Variants in ADGRB3 observed in about 807,000 individuals in gnomAD.
ADGRB3 encodes adhesion G protein-coupled receptor B3, also known as brain-specific angiogenesis inhibitor 3.
In ADGRB3, 37 loss-of-function variants were observed where a neutral mutation model predicts 193.4. The observed-to-expected ratio is 0.19, with a 90% confidence interval of 0.15 to 0.25. The LOEUF is 0.25. Among genes scored for constraint, ADGRB3 ranks in the 10% least tolerant of loss-of-function variants. ADGRB3 has a pLI of 1.00. For missense variants in ADGRB3, 1,637 were observed against 1,852.9 expected (o/e 0.88, Z 2.14); for synonymous variants, 690 against 644.2 (o/e 1.07, Z -1.08).
In ADGRB3 at chr6:68,826,954, G is replaced by T. The variant is rs75549549; in HGVS notation, c.758-103605G>T. Among the ~76,000 whole-genome samples, 5 of 152,270 alleles carry T rather than the reference G, an allele frequency of 3.3e-5. No homozygotes were observed. In the East Asian group the frequency reaches 9.7e-4, roughly 29 times the overall value. On this transcript the variant is annotated intron_variant, in intron 3 of 31. Transcript: ENST00000370598. ...TTGGAGATGCCTATTAAACATCCTAGTGTAGGTTTCAAACAGAAAGGTAGT... is the reference window on the plus strand; with the variant it reads ...TTGGAGATGCCTATTAAACATCCTATTGTAGGTTTCAAACAGAAAGGTAGT...
chr6:68,983,936 G>A (rs1190855631), intron 10 of ADGRB3, among the ~76,000 whole-genome samples: 2 of 152,062 alleles, frequency 1.3e-5, no homozygotes, highest in Non-Finnish European at 2.9e-5. Context: ...ACATGTAAAC[G>A]GTAGAGAGAA....
At chr6:68,784,248 T>C (rs1173051628) in intron 3 of ADGRB3, among the ~76,000 whole-genome samples, 1 of 152,118 alleles carries the variant, frequency 6.6e-6, no homozygotes, top group Non-Finnish European at 1.5e-5. Context: ...GTAAGTCTAC[T>C]AAATGGCAGA....
chr6:68,914,122 G>A (rs1217698034), intron 3 of ADGRB3, among the ~76,000 whole-genome samples: 1 of 151,760 alleles, frequency 6.6e-6, no homozygotes, highest in Non-Finnish European at 1.5e-5. Flanking sequence ...ACACTCTGCA[G>A]GATATTATCC....
intron 17 of ADGRB3, among the ~76,000 whole-genome samples, chr6:69,119,802 G>C (rs1459860462): frequency 2.0e-5 from 3 of 152,192 alleles, no homozygotes; most frequent in Non-Finnish European, 4.4e-5. Context: ...CAAAAACTTG[G>C]AAATGGGCTC....
chr6:68,775,146 A>AAAAAAAAC (rs1491469760), intron 3 of ADGRB3, among the ~76,000 whole-genome samples: 1 of 8,578 alleles, frequency 1.2e-4, no homozygotes, highest in East Asian at 5.2e-3. Context: ...GCTGCTTGTT[A>AAAAAAAAC]AAAAAAAAAA....
At chr6:69,263,391 G>C (rs141352944) in intron 20 of ADGRB3, among the ~76,000 whole-genome samples, 3 of 151,820 alleles carry the variant, frequency 2.0e-5, no homozygotes, top group Non-Finnish European at 2.9e-5. Flanking sequence ...AGATATTTTC[G>C]CATGATGGCA....
chr6:68,716,967 A>G (rs953037294), intron 3 of ADGRB3, among the ~76,000 whole-genome samples: 4 of 151,606 alleles, frequency 2.6e-5, no homozygotes, highest in African/African-American at 4.8e-5. Context: ...TTTATTTTCC[A>G]TGAAGAGACA....
At chr6:69,376,773 T>C (rs1469531745) in intron 30 of ADGRB3, among the ~76,000 whole-genome samples, 1 of 152,064 alleles carries the variant, frequency 6.6e-6, no homozygotes, top group Non-Finnish European at 1.5e-5. Flanking sequence ...GTGCACTCCA[T>C]TAGGCAATCT....
intron 26 of ADGRB3, among the ~76,000 whole-genome samples, chr6:69,347,351 T>A (rs1455152740): frequency 3.3e-5 from 5 of 151,988 alleles, no homozygotes; most frequent in Admixed American, 3.3e-4. Context: ...AAACTTAAAT[T>A]ATAATAATAA....
In ADGRB3 at chr6:68,966,011, GC is replaced by G. The variant is rs1313126988; in HGVS notation, c.1526-8750del. ...TAACTTTTTTATAATACCTGTATGT[GC>G]CTAGATATGTCAAACTCAAAACTAT... On this transcript the variant is annotated intron_variant, in intron 8 of 31. Transcript: ENST00000370598. 2.0e-5 allele frequency among the ~76,000 whole-genome samples: 3 copies of G among 152,134 alleles called. No individual in the cohort carries two copies. In the East Asian group the frequency reaches 5.8e-4, roughly 29 times the overall value.
chr6:68,892,086 C>T (rs77791242), intron 3 of ADGRB3, among the ~76,000 whole-genome samples: 3,029 of 152,252 alleles, frequency 0.02, 50 homozygotes, highest in East Asian at 0.05. Flanking sequence ...TTTAAATACC[C>T]TCCTGCAGCT....
intron 17 of ADGRB3, among the ~76,000 whole-genome samples, chr6:69,189,917 G>A (rs972723168): frequency 1.3e-5 from 2 of 152,010 alleles, no homozygotes. Flanking sequence ...TTATAATAGA[G>A]CTAAAAAATC....
chr6:69,338,183 A>G (rs1202257978), intron 24 of ADGRB3, among the ~76,000 whole-genome samples: 1 of 152,184 alleles, frequency 6.6e-6, no homozygotes, highest in Non-Finnish European at 1.5e-5. Context: ...TCCTCTAGAC[A>G]AGAATAGACC....
At chr6:69,150,873 G>T (rs1352832846) in intron 17 of ADGRB3, among the ~76,000 whole-genome samples, 1 of 152,272 alleles carries the variant, frequency 6.6e-6, no homozygotes, top group Middle Eastern at 3.4e-3. Context: ...TTACCTTCTG[G>T]CACAGGGTAT....
intron 17 of ADGRB3, among the ~76,000 whole-genome samples, chr6:69,107,232 T>A (rs772071855): frequency 1.8e-4 from 27 of 152,262 alleles, no homozygotes; most frequent in Non-Finnish European, 3.2e-4. Flanking sequence ...TAGAAAAAAA[T>A]TATATTTCTA....
intron 3 of ADGRB3, among the ~76,000 whole-genome samples, chr6:68,842,914 C>T (rs1388848278): frequency 6.6e-6 from 1 of 151,842 alleles, no homozygotes; most frequent in African/African-American, 2.4e-5. Context: ...GAATGAAGGA[C>T]AAAGCCTATA....
At chr6:69,324,819 A>G (rs1768533867) in intron 20 of ADGRB3, 53 bp from the exon 21 acceptor site, 1 of 1,583,938 alleles carries the variant, frequency 6.3e-7, no homozygotes, top group Non-Finnish European at 8.6e-7. Context: ...AGAACATATC[A>G]TTTTCCCTCT....
At chr6:69,363,224 A>T (rs1769490264) in intron 29 of ADGRB3, among the ~76,000 whole-genome samples, 1 of 152,002 alleles carries the variant, frequency 6.6e-6, no homozygotes, top group Non-Finnish European at 1.5e-5. Flanking sequence ...AAAGACCTGC[A>T]TTTAAATGAC....
chr6:68,656,304 G>A (rs1261898759), intron 3 of ADGRB3, among the ~76,000 whole-genome samples: 1 of 151,492 alleles, frequency 6.6e-6, no homozygotes, highest in East Asian at 1.9e-4. Flanking sequence ...GAGAGAATTT[G>A]GATTAGAAAA....
Sources: gnomAD v4.1 joint callset for allele counts (sites outside exome capture counted in the v4.1 genomes callset) on GRCh38, gnomAD v4.1.1 for gene constraint, MANE v1.5 for transcripts, NCBI Gene and HGNC (gene_info 2026-07-23, HGNC 2026-07-21) for gene names.